Variants in PHLDB2 observed in about 807,000 individuals in gnomAD.
The protein encoded by PHLDB2 is pleckstrin homology-like domain family B member 2.
PHLDB2 carries 71 observed loss-of-function variants against 123.6 expected under a neutral mutation model. The ratio of observed to expected loss-of-function variants is 0.57; its 90% CI spans 0.47 to 0.70. PHLDB2 has a LOEUF of 0.70. PHLDB2 is among the 30% of genes least tolerant of loss of function. The pLI, the probability that PHLDB2 is intolerant of heterozygous loss-of-function variation, is 0.00. For synonymous variants in PHLDB2, 547 were observed against 541.6 expected, an observed-to-expected ratio of 1.01 and a Z score of -0.14; for missense variants, 1,446 against 1,519.5, an observed-to-expected ratio of 0.95 and a Z score of 0.80.
intron 1 of PHLDB2, among the ~76,000 whole-genome samples, chr3:111,866,493 T>G (rs551031299): frequency 1.3e-5 from 2 of 152,218 alleles, no homozygotes; most frequent in East Asian, 3.9e-4. Flanking sequence ...GAATGTTACT[T>G]TGGAAAAATT....
rs376881077 is a variant in PHLDB2 at position 111,945,278 on chromosome 3, A to G, written c.2408A>G (p.Asn803Ser). The G allele has an allele frequency of 4.2e-5, 68 of 1,607,854 alleles. No individual in the cohort carries two copies. The highest frequency in any genetic ancestry group is 5.8e-5 in the Non-Finnish European group (68 of 1,175,230). Residue 803 changes from asparagine to serine, a missense_variant, in exon 9 of 18, where the codon AAT becomes AGT. Physicochemically the swap from Asn to Ser is conservative, Grantham distance 46. Transcript: ENST00000431670. ...TTTGTATTCCTTCAGGAAAAGGAGA[A>G]TCTTTGTAATTTGGAAAAGAAATAC... is the stretch of plus-strand genomic sequence containing the variant. ...LIMMLQREKENLCNLEKKYSS... is the reference protein window; with the variant it reads ...LIMMLQREKESLCNLEKKYSS...
chr3:111,919,430 C>A (rs1439630680), intron 4 of PHLDB2, among the ~76,000 whole-genome samples: 2 of 151,824 alleles, frequency 1.3e-5, no homozygotes, highest in African/African-American at 4.8e-5. Context: ...ACATATTAAG[C>A]CCTCTTTAAT....
At position 111,952,719 on chromosome 3, in the gene PHLDB2, C is replaced by A; in HGVS notation, c.2772+7C>A. 1 of 1,607,070 alleles carries A rather than the reference C, an allele frequency of 6.2e-7. No homozygotes were observed. Among genetic ancestry groups the A allele is most frequent in the Non-Finnish European group, 8.5e-7 (1 of 1,178,156 alleles). On this transcript the variant is annotated splice_region_variant and intron_variant, in intron 11 of 17. Transcript: ENST00000431670. ...GAGAAGCATCACCCCAAAGGTAGGA[C>A]CTGGGAGAAACCACGGGCTTCCCAT...
intron 13 of PHLDB2, among the ~76,000 whole-genome samples, chr3:111,962,602 T>G (rs369165421): frequency 6.6e-6 from 1 of 152,208 alleles, no homozygotes; most frequent in Non-Finnish European, 1.5e-5. Flanking sequence ...CTTCTGTTGG[T>G]TAGCTCTAAG....
chr3:111,954,474 T>C (rs552414371), intron 12 of PHLDB2, among the ~76,000 whole-genome samples: 1 of 152,342 alleles, frequency 6.6e-6, no homozygotes, highest in South Asian at 2.1e-4. Context: ...AGAATTCTTA[T>C]AGGCCTTTTA....
intron 1 of PHLDB2, among the ~76,000 whole-genome samples, chr3:111,790,067 T>G (rs2060851410): frequency 1.3e-5 from 2 of 152,208 alleles, no homozygotes; most frequent in Admixed American, 1.3e-4. Context: ...CAAATTGCCC[T>G]TGGATCTTAT....
intron 1 of PHLDB2, among the ~76,000 whole-genome samples, chr3:111,804,184 A>C (rs1341958076): frequency 6.6e-6 from 1 of 152,230 alleles, no homozygotes; most frequent in African/African-American, 2.4e-5. Flanking sequence ...TAGTAAGAAA[A>C]TGTTAAACCC....
chr3:111,749,347 A>G (rs1157976957), intron 1 of PHLDB2, among the ~76,000 whole-genome samples: 1 of 152,176 alleles, frequency 6.6e-6, no homozygotes, highest in Admixed American at 6.5e-5. Flanking sequence ...GGAAACAAAG[A>G]CATCCATTTT....
chr3:111,842,176 G>A (rs2063724347), intron 1 of PHLDB2, among the ~76,000 whole-genome samples: 1 of 152,166 alleles, frequency 6.6e-6, no homozygotes, highest in Non-Finnish European at 1.5e-5. Context: ...CAAATATAAT[G>A]GCCATTATTA....
intron 1 of PHLDB2, among the ~76,000 whole-genome samples, chr3:111,804,874 A>G (rs2061511144): frequency 6.6e-6 from 1 of 152,246 alleles, no homozygotes; most frequent in Admixed American, 6.5e-5. Flanking sequence ...TTTCACTGAG[A>G]AATAAAATAT....
chr3:111,898,182 T>TGTTTGTG, intron 2 of PHLDB2, among the ~76,000 whole-genome samples: 1 of 142,658 alleles, frequency 7.0e-6, no homozygotes, highest in South Asian at 2.2e-4. Context: ...GTGTGTGTGT[T>TGTTTGTG]TGTGTGTGTG....
At chr3:111,806,806 C>CT (rs954893886) in intron 1 of PHLDB2, among the ~76,000 whole-genome samples, 1 of 149,716 alleles carries the variant, frequency 6.7e-6, no homozygotes, top group East Asian at 2.0e-4. Flanking sequence ...TTTTTAATAA[C>CT]TTTTTTTTTG....
At chr3:111,781,076 T>C (rs1200066888) in intron 1 of PHLDB2, among the ~76,000 whole-genome samples, 2 of 150,758 alleles carry the variant, frequency 1.3e-5, no homozygotes, top group East Asian at 3.8e-4. Flanking sequence ...AACATTAAAA[T>C]GTATGGAGTT....
intron 1 of PHLDB2, among the ~76,000 whole-genome samples, chr3:111,812,616 T>A (rs1020571287): frequency 4.6e-5 from 7 of 152,140 alleles, no homozygotes; most frequent in Non-Finnish European, 1.0e-4. Context: ...CTTAGTATGA[T>A]CATCCTAGGA....
intron 1 of PHLDB2, among the ~76,000 whole-genome samples, chr3:111,875,231 C>T (rs1052074670): frequency 1.1e-4 from 17 of 152,052 alleles, no homozygotes; most frequent in African/African-American, 4.1e-4. Context: ...TCACCACAAC[C>T]TCCGCCTCCC....
chr3:111,909,790 A>G (rs77104460), intron 2 of PHLDB2, among the ~76,000 whole-genome samples: 3 of 151,600 alleles, frequency 2.0e-5, no homozygotes, highest in Non-Finnish European at 2.9e-5. Flanking sequence ...AAAAAAAAAA[A>G]TCCCATTTCA....
chr3:111,866,930 G>GGGGTGT (rs368134623), intron 1 of PHLDB2, among the ~76,000 whole-genome samples: 4 of 126,004 alleles, frequency 3.2e-5, no homozygotes, highest in South Asian at 2.6e-4. Context: ...GTTTCTAAGG[G>GGGGTGT]GTGTGTGTGT....
At position 111,943,274 on chromosome 3, in the gene PHLDB2, G is replaced by A. The variant is rs907845400; in HGVS notation, c.2398-1994G>A. Among the ~76,000 whole-genome samples the A allele has an allele frequency of 2.6e-5, 4 of 152,078 alleles. No homozygotes were observed. The East Asian group carries it at 7.7e-4, about 29-fold the overall frequency. ...TACTGTCTTTTGATTTTTGACAAAGGCACCAAAACAATTCTTTCAAAGAAA... is the reference window on the plus strand; with the variant it reads ...TACTGTCTTTTGATTTTTGACAAAGACACCAAAACAATTCTTTCAAAGAAA... On this transcript the variant is annotated intron_variant, in intron 8 of 17. Transcript: ENST00000431670.
At chr3:111,787,606 T>C (rs1278437396) in intron 1 of PHLDB2, among the ~76,000 whole-genome samples, 1 of 152,146 alleles carries the variant, frequency 6.6e-6, no homozygotes, top group African/African-American at 2.4e-5. Context: ...ACATGGTTGG[T>C]AGCTTGGGCT....
Sources: gnomAD v4.1 joint callset for allele counts (sites outside exome capture counted in the v4.1 genomes callset) on GRCh38, gnomAD v4.1.1 for gene constraint, MANE v1.5 for transcripts, NCBI Gene and HGNC (gene_info 2026-07-23, HGNC 2026-07-21) for gene names.